TRABD2A: variants seen among roughly 807,000 people sequenced by gnomAD.
TRABD2A encodes the protein metalloprotease TIKI1.
TRABD2A carries 43 observed loss-of-function variants against 45.6 expected under a neutral mutation model. That is an observed-to-expected ratio of 0.94 (90% CI 0.74 to 1.22). The LOEUF (loss-of-function observed/expected upper bound fraction) is 1.22, where lower values mean the gene tolerates loss of function less well. TRABD2A is among the 50% of genes most tolerant of loss of function. The pLI is 0.00. For synonymous variants in TRABD2A, 269 were observed against 265.0 expected (o/e 1.02, Z -0.15); for missense variants, 642 against 652.4 (o/e 0.98, Z 0.17).
At position 84,859,952 on chromosome 2, in the gene TRABD2A, G is replaced by T. The variant is rs187437946; in HGVS notation, c.669+10273C>A. Among the ~76,000 whole-genome samples the T allele has an allele frequency of 5.9e-5, 9 of 152,114 alleles. No homozygotes were observed. The East Asian group carries it at 7.7e-4, about 13-fold the overall frequency. ...TCTCATTTATTTTTTGGAGAGATGGGGGGGGGTCTCACTATGTTGTCCAGG... is the reference window on the plus strand; with the variant it reads ...TCTCATTTATTTTTTGGAGAGATGGTGGGGGGTCTCACTATGTTGTCCAGG... On this transcript the variant is annotated intron_variant, in intron 2 of 6. Transcript: ENST00000409520.
At chr2:84,829,363 AACACACACAC>A (rs146287038) in intron 5 of TRABD2A, among the ~76,000 whole-genome samples, 3,012 of 145,682 alleles carry the variant, frequency 0.021, 92 homozygotes, top group African/African-American at 0.07. Context: ...AACAACCAGC[AACACACACAC>A]ACACACACAC....
Position 84,821,966 on chromosome 2 carries a change from A to G in TRABD2A, c.1469T>C (p.Val490Ala). 6.2e-7 allele frequency: 1 copy of G among 1,605,938 alleles called. No individual in the cohort carries two copies. Among genetic ancestry groups the G allele is most frequent in the East Asian group, 2.2e-5 (1 of 44,584 alleles). Residue 490 changes from valine to alanine, a missense_variant, in exon 7 of 7, where the codon GTG (valine) becomes GCG (alanine). Physicochemically the swap from Val to Ala is moderately conservative, Grantham distance 64. Coordinates refer to ENST00000409520, the MANE Select transcript of TRABD2A (RefSeq NM_001277053.2). The stretch of plus-strand genomic sequence containing the variant: ...GAAAGCCAGCACCAGCACCCAGAAC[A>G]CAGGAGTCCAGAGAGACAGGCAGGC... Reference protein sequence around the residue: ...SSACLSLWTPVFWVLVLAFQT... With the variant: ...SSACLSLWTPAFWVLVLAFQT...
chr2:84,842,049 G>C (rs1681729540), intron 2 of TRABD2A, 42 bp from the exon 3 acceptor site: 4 of 1,438,186 alleles, frequency 2.8e-6, no homozygotes, highest in Non-Finnish European at 3.7e-6. Context: ...CAAGGCAACT[G>C]TTTGCTGCCA....
At chr2:84,857,318 A>T (rs891162923) in intron 2 of TRABD2A, among the ~76,000 whole-genome samples, 2 of 152,210 alleles carry the variant, frequency 1.3e-5, no homozygotes, top group African/African-American at 4.8e-5. Flanking sequence ...GAAGGTCTCC[A>T]TTCTTGTAAC....
intron 2 of TRABD2A, among the ~76,000 whole-genome samples, chr2:84,845,130 C>G (rs745692319): frequency 5.3e-5 from 8 of 152,124 alleles, no homozygotes; most frequent in Non-Finnish European, 1.0e-4. Context: ...GCAGGTGGAT[C>G]CCTTGAGGTC....
chr2:84,832,078 G>A lies in TRABD2A; in HGVS notation c.1059C>T (p.Ala353=). The A allele has an allele frequency of 6.2e-7, 1 of 1,613,904 alleles. No homozygotes were observed. The highest frequency in any genetic ancestry group is 8.5e-7 in the Non-Finnish European group (1 of 1,179,888). Residue 353 remains alanine (A), a synonymous_variant, in exon 5 of 7, where the codon GCC becomes GCT. Transcript: ENST00000409520. ...ACTTGTGGATGGGTCGTCCAGCAGGGGCGTGTTCTACCTCATAGCCTTCAC... is the reference window on the plus strand; with the variant it reads ...ACTTGTGGATGGGTCGTCCAGCAGGAGCGTGTTCTACCTCATAGCCTTCAC... The part of the protein sequence containing the change: ...LRREGYEVEH[A]PAGRPIHKGK...
At chr2:84,836,272 T>C (rs1019197979) in intron 4 of TRABD2A, 4 of 152,378 alleles carry the variant, frequency 2.6e-5, no homozygotes, top group African/African-American at 4.8e-5. Flanking sequence ...ACAAATTCTA[T>C]TCAGCTCACA....
At chr2:84,836,836 T>C (rs1260103144) in intron 4 of TRABD2A, 2 of 152,124 alleles carry the variant, frequency 1.3e-5, no homozygotes, top group African/African-American at 4.8e-5. Flanking sequence ...GCCCCCGTAG[T>C]GAATTTTTCA....
rs142302812 is a variant in TRABD2A at position 84,846,477 on chromosome 2, TGAG to T, written c.670-4473_670-4471del. ...GTGCCTCGAGAGACCAGCTAAGTGA[TGAG>T]GTAGAAGGGGCTGGATTTCCTTGGC... On this transcript the variant is annotated intron_variant, in intron 2 of 6. Transcript: ENST00000409520. Among the ~76,000 whole-genome samples, 1,462 of 152,320 alleles carry T rather than the reference TGAG, an allele frequency of 9.6e-3. 23 individuals carry two copies. Among genetic ancestry groups the T allele is most frequent in the African/African-American group, 0.033 (1,376 of 41,570 alleles).
chr2:84,847,768 A>G (rs574862619), intron 2 of TRABD2A, among the ~76,000 whole-genome samples: 1 of 152,330 alleles, frequency 6.6e-6, no homozygotes, highest in African/African-American at 2.4e-5. Flanking sequence ...ATAACAAAAT[A>G]CCACAAATTG....
intron 1 of TRABD2A, among the ~76,000 whole-genome samples, chr2:84,875,290 A>G (rs1326117118): frequency 1.3e-5 from 2 of 152,216 alleles, no homozygotes; most frequent in African/African-American, 4.8e-5. Context: ...CACTATGGGG[A>G]TATCTAAGAG....
At chr2:84,838,985 C>T (rs1239723065) in intron 4 of TRABD2A, 164 bp downstream of exon 4, 2 of 731,484 alleles carry the variant, frequency 2.7e-6, no homozygotes, top group Non-Finnish European at 4.4e-6. Context: ...ATGCTCCATC[C>T]CCAGCTGGAG....
chr2:84,852,850 A>G (rs906997573), intron 2 of TRABD2A, among the ~76,000 whole-genome samples: 1 of 152,176 alleles, frequency 6.6e-6, no homozygotes, highest in South Asian at 2.1e-4. Context: ...AAAAAGAAGA[A>G]TAGATCTCCC....
intron 2 of TRABD2A, among the ~76,000 whole-genome samples, chr2:84,860,629 T>C (rs190178569): frequency 6.6e-6 from 1 of 152,382 alleles, no homozygotes; most frequent in East Asian, 1.9e-4. Flanking sequence ...CAGTGATTTC[T>C]ACATCATCTC....
At chr2:84,855,405 A>G (rs1682239789) in intron 2 of TRABD2A, among the ~76,000 whole-genome samples, 1 of 152,150 alleles carries the variant, frequency 6.6e-6, no homozygotes, top group South Asian at 2.1e-4. Flanking sequence ...TGCTACTTTC[A>G]CATTAGTGCT....
At chr2:84,850,415 G>T (rs1174591464) in intron 2 of TRABD2A, among the ~76,000 whole-genome samples, 1 of 152,082 alleles carries the variant, frequency 6.6e-6, no homozygotes, top group Non-Finnish European at 1.5e-5. Context: ...ACTTGGGGAA[G>T]AAGATGGTGG....
In TRABD2A at chr2:84,846,470, T is replaced by G. The variant is rs6758892; in HGVS notation, c.670-4463A>C. 7.5e-3 allele frequency among the ~76,000 whole-genome samples: 1,135 copies of G among 152,166 alleles called. 7 individuals are homozygous for G. Among genetic ancestry groups the G allele is most frequent in the African/African-American group, 0.026 (1,084 of 41,440 alleles). On this transcript the variant is annotated intron_variant, in intron 2 of 6. Coordinates refer to ENST00000409520, the MANE Select transcript of TRABD2A (RefSeq NM_001277053.2). ...AGATACAGTGCCTCGAGAGACCAGC[T>G]AAGTGATGAGGTAGAAGGGGCTGGA...
At chr2:84,836,335 T>C (rs1681508599) in intron 4 of TRABD2A, 1 of 152,268 alleles carries the variant, frequency 6.6e-6, no homozygotes, top group Non-Finnish European at 1.5e-5. Context: ...GAAATGTTTG[T>C]TGACAGTCTT....
intron 2 of TRABD2A, among the ~76,000 whole-genome samples, chr2:84,863,488 T>C (rs969652924): frequency 2.0e-5 from 3 of 150,364 alleles, no homozygotes; most frequent in African/African-American, 7.4e-5. Flanking sequence ...CGCCTCGGCC[T>C]CCCAAAGTGC....
Sources: gnomAD v4.1 joint callset for allele counts (sites outside exome capture counted in the v4.1 genomes callset) on GRCh38, gnomAD v4.1.1 for gene constraint, MANE v1.5 for transcripts, NCBI Gene and HGNC (gene_info 2026-07-23, HGNC 2026-07-21) for gene names.